KIRREL3: variants seen among roughly 807,000 people sequenced by gnomAD.
KIRREL3 encodes kin of IRRE-like protein 3.
KIRREL3 carries 36 observed loss-of-function variants against 89.7 expected under a neutral mutation model. The observed-to-expected ratio is 0.40, with a 90% CI of 0.31 to 0.53. KIRREL3 has a LOEUF of 0.53. KIRREL3 is among the 20% of genes least tolerant of loss of function. The pLI is 0.49. For missense variants in KIRREL3, 864 were observed against 1,056.6 expected (o/e 0.82, Z 2.53); for synonymous variants, 445 against 441.4 (o/e 1.01, Z -0.10).
chr11:126,799,022 C>T (rs182471236), intron 1 of KIRREL3, among the ~76,000 whole-genome samples: 71 of 151,912 alleles, frequency 4.7e-4, no homozygotes, highest in Non-Finnish European at 1.9e-4. Context: ...CTGTGTGTAT[C>T]TGTGCGTGTG....
In KIRREL3 at chr11:126,521,465, C is replaced by T. The variant is rs1958583982; in HGVS notation, c.284-1G>A. ...CCTACCACCAGGTACTGTGGGTAAC[C>T]TGTGGAGACAACAGGCAGGTCAGGG... is the stretch of plus-strand genomic sequence containing the variant. On this transcript the variant is annotated splice_acceptor_variant, in intron 3 of 16. Transcript: ENST00000525144. LOFTEE classifies it high-confidence loss of function. The surrounding 1 kb of genome is among the most constrained non-coding windows in gnomAD (Gnocchi z 4.1). 1 of 1,581,180 alleles carries T rather than the reference C, an allele frequency of 6.3e-7. No homozygotes were observed. Among genetic ancestry groups the T allele is most frequent in the Non-Finnish European group, 8.6e-7 (1 of 1,163,686 alleles).
Position 126,872,112 on chromosome 11 carries a change from TG to T in KIRREL3, c.55+128342del, listed in dbSNP as rs1945127534. Among the ~76,000 whole-genome samples the T allele has an allele frequency of 6.6e-6, 1 of 152,184 alleles. No homozygotes were observed. The highest frequency in any genetic ancestry group is 2.1e-4 in the South Asian group (1 of 4,828). ...AGGATCTGGTAGAAACAAGGTGCAG[TG>T]AACAAGCTGGCCAAAACCAGCAGAC... On this transcript the variant is annotated intron_variant, in intron 1 of 16. Transcript: ENST00000525144. This position sits in a 1 kb window ranked among gnomAD's most constrained non-coding sequence, Gnocchi z 4.2.
rs550343783 is a variant in KIRREL3 at position 126,791,565 on chromosome 11, T to A, written c.55+208890A>T. 9.2e-5 allele frequency among the ~76,000 whole-genome samples: 14 copies of A among 152,300 alleles called. No individual in the cohort carries two copies. Among genetic ancestry groups the A allele is most frequent in the African/African-American group, 3.4e-4 (14 of 41,560 alleles). ...GGCACTTATGAAAATAAATGACTGA[T>A]GGGAGAAGGCTGGAGCCAAGCCTTT... is the stretch of plus-strand genomic sequence containing the variant. On this transcript the variant is annotated intron_variant, in intron 1 of 16. Coordinates refer to ENST00000525144, the MANE Select transcript of KIRREL3 (RefSeq NM_032531.4). This position sits in a 1 kb window ranked among gnomAD's most constrained non-coding sequence, Gnocchi z 4.8.
In KIRREL3 at chr11:126,723,803, T is replaced by C. The variant is rs1469458329; in HGVS notation, c.56-160891A>G. Among the ~76,000 whole-genome samples the C allele has an allele frequency of 6.6e-6, 1 of 152,206 alleles. No individual in the cohort carries two copies. The highest frequency in any genetic ancestry group is 2.4e-5 in the African/African-American group (1 of 41,464). ...GGAAGGAAAAGACTTGCACAGATGC[T>C]CTTTGTGACTCAGAACTTTGGAAAA... On this transcript the variant is annotated intron_variant, in intron 1 of 16. Transcript: ENST00000525144. The surrounding 1 kb of genome is among the most constrained non-coding windows in gnomAD (Gnocchi z 4.0).
chr11:126,536,111 C>CA (rs1311420311), intron 2 of KIRREL3, among the ~76,000 whole-genome samples: 52 of 151,404 alleles, frequency 3.4e-4, no homozygotes, highest in African/African-American at 7.3e-4. Flanking sequence ...GACTCCATCT[C>CA]AAAAAAAAAG....
In KIRREL3 at chr11:126,471,079, C is replaced by T. The variant is rs907726893; in HGVS notation, c.591+2230G>A. Among the ~76,000 whole-genome samples, 12 of 152,064 alleles carry T rather than the reference C, an allele frequency of 7.9e-5. No individual in the cohort carries two copies. The highest frequency in any genetic ancestry group is 2.1e-4 in the South Asian group (1 of 4,824). On this transcript the variant is annotated intron_variant, in intron 5 of 16. Coordinates refer to ENST00000525144, the MANE Select transcript of KIRREL3 (RefSeq NM_032531.4). This position sits in a 1 kb window ranked among gnomAD's most constrained non-coding sequence, Gnocchi z 5.4. ...TGCCGTTGAAAAGACAGTTTGCGGC[C>T]GGGCGCAGTGGCTCAGTCCTGTAAT...
intron 1 of KIRREL3, among the ~76,000 whole-genome samples, chr11:126,857,350 C>T (rs1419021898): frequency 1.3e-5 from 2 of 152,240 alleles, no homozygotes; most frequent in Non-Finnish European, 2.9e-5. Context: ...TTGCAGAGAA[C>T]AGGAATTGCT....
chr11:126,557,685 C>T lies in KIRREL3; in HGVS notation c.133+5150G>A, dbSNP rs1371827933. ...GGTGCATAAAGAACAGGCTCTCACGCCATCATAAAGAACTTTAGAGCTGTC... is the reference window on the plus strand; with the variant it reads ...GGTGCATAAAGAACAGGCTCTCACGTCATCATAAAGAACTTTAGAGCTGTC... On this transcript the variant is annotated intron_variant, in intron 2 of 16. Coordinates refer to ENST00000525144, the MANE Select transcript of KIRREL3 (RefSeq NM_032531.4). The surrounding 1 kb of genome is among the most constrained non-coding windows in gnomAD (Gnocchi z 5.6). 1.3e-5 allele frequency among the ~76,000 whole-genome samples: 2 copies of T among 152,158 alleles called. No homozygotes were observed. Among genetic ancestry groups the T allele is most frequent in the Non-Finnish European group, 2.9e-5 (2 of 68,046 alleles).
In KIRREL3 at chr11:126,970,444, T is replaced by C. The variant is rs1419188985; in HGVS notation, c.55+30011A>G. ...CAATAAACAGAAGACCCTAGGTGTG[T>C]AGCGACATTAGACAAAAAGTAACCA... On this transcript the variant is annotated intron_variant, in intron 1 of 16. Transcript: ENST00000525144. The surrounding 1 kb of genome is among the most constrained non-coding windows in gnomAD (Gnocchi z 4.4). Among the ~76,000 whole-genome samples the C allele has an allele frequency of 6.6e-6, 1 of 152,168 alleles. No individual in the cohort carries two copies.
At chr11:126,956,238 C>G (rs749099212) in intron 1 of KIRREL3, among the ~76,000 whole-genome samples, 4 of 152,246 alleles carry the variant, frequency 2.6e-5, no homozygotes, top group African/African-American at 9.6e-5. Flanking sequence ...GAACACGATG[C>G]TTCCTCCCCT....
In KIRREL3 at chr11:126,557,020, CA is replaced by C. The variant is rs1939759564; in HGVS notation, c.133+5814del. Among the ~76,000 whole-genome samples the C allele has an allele frequency of 1.3e-5, 2 of 152,140 alleles. No homozygotes were observed. The highest frequency in any genetic ancestry group is 1.3e-4 in the Admixed American group (2 of 15,276). On this transcript the variant is annotated intron_variant, in intron 2 of 16. Transcript: ENST00000525144. This position sits in a 1 kb window ranked among gnomAD's most constrained non-coding sequence, Gnocchi z 5.6. ...GCCAACATCCCGGGGGCTCGGCAGG[CA>C]GTGGAGGAATGGGCTCAGGAAAATG... is the stretch of plus-strand genomic sequence containing the variant.
Position 126,898,740 on chromosome 11 carries a change from G to A in KIRREL3, c.55+101715C>T, listed in dbSNP as rs1946259886. ...GGAAATGGAAGTGAGGACCAGAGACGAAGATGGAAAATATAAAAAAAGAGA... is the reference window on the plus strand; with the variant it reads ...GGAAATGGAAGTGAGGACCAGAGACAAAGATGGAAAATATAAAAAAAGAGA... On this transcript the variant is annotated intron_variant, in intron 1 of 16. Coordinates refer to ENST00000525144, the MANE Select transcript of KIRREL3 (RefSeq NM_032531.4). This position sits in a 1 kb window ranked among gnomAD's most constrained non-coding sequence, Gnocchi z 4.9. 6.6e-5 allele frequency among the ~76,000 whole-genome samples: 10 copies of A among 152,094 alleles called. No individual in the cohort carries two copies. The South Asian group carries it at 2.1e-3, about 32-fold the overall frequency.
At chr11:126,509,991 CA>C (rs58061522) in intron 4 of KIRREL3, among the ~76,000 whole-genome samples, 256 of 62,036 alleles carry the variant, frequency 4.1e-3, no homozygotes, top group African/African-American at 0.011. Flanking sequence ...GACTCCGTCT[CA>C]AAAAAAAAAA....
chr11:126,446,707 A>T, intron 9 of KIRREL3, 52 bp downstream of exon 9: 13 of 1,548,514 alleles, frequency 8.4e-6, no homozygotes, highest in Non-Finnish European at 1.1e-5. Flanking sequence ...TTCTTGCTCC[A>T]CTGTCCCCGC....
At position 126,522,931 on chromosome 11, in the gene KIRREL3, G is replaced by A. The variant is rs746367796; in HGVS notation, c.284-1467C>T. 6.6e-6 allele frequency among the ~76,000 whole-genome samples: 1 copy of A among 152,176 alleles called. No individual in the cohort carries two copies. The highest frequency in any genetic ancestry group is 1.5e-5 in the Non-Finnish European group (1 of 68,030). On this transcript the variant is annotated intron_variant, in intron 3 of 16. Transcript: ENST00000525144. The surrounding 1 kb of genome is among the most constrained non-coding windows in gnomAD (Gnocchi z 6.0). ...GACGGGTGCTGTAGGAGGATGAGAC[G>A]GGACACATTCAGCCTTTTAAAGAGA... is the stretch of plus-strand genomic sequence containing the variant.
rs774592728 is a variant in KIRREL3, at chr11:126,492,984, C to T, written c.434-19518G>A. Among the ~76,000 whole-genome samples, 6 of 152,212 alleles carry T rather than the reference C, an allele frequency of 3.9e-5. No individual in the cohort carries two copies. The highest frequency in any genetic ancestry group is 4.4e-5 in the Non-Finnish European group (3 of 68,038). ...GACCCAAAAGGCCGTAGAACAGCCT[C>T]GGTGCTGCGGCTAACTGACAGGGGG... On this transcript the variant is annotated intron_variant, in intron 4 of 16. Coordinates refer to ENST00000525144, the MANE Select transcript of KIRREL3 (RefSeq NM_032531.4). The surrounding 1 kb of genome is among the most constrained non-coding windows in gnomAD (Gnocchi z 4.8).
rs1947943805 is a variant in KIRREL3, at chr11:126,931,415, C to A, written c.55+69040G>T. ...ACTTTCCTGTCAATCACTCCACAAG[C>A]ATTCACTGCTGGTTATGTGAAAGGG... On this transcript the variant is annotated intron_variant, in intron 1 of 16. Coordinates refer to ENST00000525144, the MANE Select transcript of KIRREL3 (RefSeq NM_032531.4). This position sits in a 1 kb window ranked among gnomAD's most constrained non-coding sequence, Gnocchi z 5.1. Among the ~76,000 whole-genome samples the A allele has an allele frequency of 6.6e-6, 1 of 152,158 alleles. No homozygotes were observed. Among genetic ancestry groups the A allele is most frequent in the African/African-American group, 2.4e-5 (1 of 41,440 alleles).
chr11:126,972,728 C>T (rs185408993), intron 1 of KIRREL3, among the ~76,000 whole-genome samples: 296 of 152,212 alleles, frequency 1.9e-3, no homozygotes, highest in African/African-American at 6.4e-3. Flanking sequence ...ACACCGTGTC[C>T]GTATTTGATT....
chr11:126,617,271 A>C (rs1322803591), intron 1 of KIRREL3, among the ~76,000 whole-genome samples: 2 of 152,234 alleles, frequency 1.3e-5, no homozygotes, highest in Non-Finnish European at 2.9e-5. Flanking sequence ...TTGCCCACGC[A>C]GTTAGATGGC....
Sources: allele counts gnomAD v4.1 joint callset (sites outside exome capture counted in the v4.1 genomes callset), GRCh38; gene constraint gnomAD v4.1.1; non-coding constraint Gnocchi (gnomAD v3.1); transcripts MANE v1.5; gene names NCBI Gene and HGNC (gene_info 2026-07-23, HGNC 2026-07-21).